BMPR1B: variants seen among roughly 807,000 people sequenced by gnomAD.
BMPR1B encodes the protein bone morphogenetic protein receptor type 1B, also known as bone morphogenetic protein receptor type-1B.
A neutral mutation model predicts 59.1 loss-of-function variants in BMPR1B; 12 were observed. The ratio of observed to expected loss-of-function variants is 0.20; its 90% CI spans 0.13 to 0.33. BMPR1B has a LOEUF of 0.33. BMPR1B is among the 10% of genes least tolerant of loss of function. BMPR1B has a pLI of 1.00. For missense variants in BMPR1B, 550 were observed against 610.9 expected, an observed-to-expected ratio of 0.90 and a Z score of 1.05; for synonymous variants, 237 against 207.3, an observed-to-expected ratio of 1.14 and a Z score of -1.23.
chr4:94,961,175 C>T (rs187451164), intron 2 of BMPR1B, among the ~76,000 whole-genome samples: 1 of 152,262 alleles, frequency 6.6e-6, no homozygotes, highest in African/African-American at 2.4e-5. Context: ...TCCACTGTCC[C>T]TCCCCAGCTG....
At chr4:95,044,285 ACTTT>A (rs1158326019) in intron 3 of BMPR1B, among the ~76,000 whole-genome samples, 3 of 152,194 alleles carry the variant, frequency 2.0e-5, no homozygotes, top group Non-Finnish European at 2.9e-5. Context: ...ATAGCTTTAA[ACTTT>A]ATTAAGTCTG....
chr4:95,114,210 A>C (rs1202344632), intron 4 of BMPR1B, among the ~76,000 whole-genome samples: 1 of 152,188 alleles, frequency 6.6e-6, no homozygotes, highest in South Asian at 2.1e-4. Flanking sequence ...TCACTATCTC[A>C]GAGCAAGAAC....
intron 1 of BMPR1B, among the ~76,000 whole-genome samples, chr4:94,851,710 T>C (rs1231314400): frequency 6.6e-6 from 1 of 152,124 alleles, no homozygotes; most frequent in Non-Finnish European, 1.5e-5. Flanking sequence ...TCACTTGAAA[T>C]TTTATATTTA....
chr4:95,079,302 T>C (rs1366918795), intron 3 of BMPR1B, among the ~76,000 whole-genome samples: 1 of 152,202 alleles, frequency 6.6e-6, no homozygotes, highest in Non-Finnish European at 1.5e-5. Context: ...AGGGAAGTTG[T>C]TCTACGTACC....
chr4:94,836,124 G>A (rs1724807677), intron 1 of BMPR1B, among the ~76,000 whole-genome samples: 1 of 148,466 alleles, frequency 6.7e-6, no homozygotes, highest in South Asian at 2.2e-4. Flanking sequence ...ATTCCATGGT[G>A]TATATGTGCC....
At chr4:94,840,985 A>C (rs7687517) in intron 1 of BMPR1B, among the ~76,000 whole-genome samples, 81,467 of 143,552 alleles carry the variant, frequency 0.57, 27,732 homozygotes, top group African/African-American at 0.8. Flanking sequence ...TCTAACAGAC[A>C]GGACCCTCAG....
chr4:95,031,686 AAAAC>A (rs935890203), intron 3 of BMPR1B, among the ~76,000 whole-genome samples: 1 of 152,158 alleles, frequency 6.6e-6, no homozygotes, highest in African/African-American at 2.4e-5. Context: ...TAGGAGTAGA[AAAAC>A]AACTCCTTGA....
chr4:94,901,911 C>T (rs1413739602), intron 2 of BMPR1B, among the ~76,000 whole-genome samples: 1 of 151,720 alleles, frequency 6.6e-6, no homozygotes, highest in Admixed American at 6.6e-5. Flanking sequence ...TGTGTGTGTA[C>T]AAAATGGAGT....
At chr4:94,853,846 T>C (rs1443946556) in intron 1 of BMPR1B, among the ~76,000 whole-genome samples, 2 of 152,316 alleles carry the variant, frequency 1.3e-5, no homozygotes, top group African/African-American at 2.4e-5. Flanking sequence ...TGAATAATTA[T>C]AGAATTGCTC....
At chr4:95,038,335 T>A (rs142756522) in intron 3 of BMPR1B, among the ~76,000 whole-genome samples, 38 of 152,342 alleles carry the variant, frequency 2.5e-4, no homozygotes, top group African/African-American at 9.1e-4. Context: ...AAGGACATCA[T>A]AAGCATCCGG....
At chr4:94,929,236 G>A (rs1480841439) in intron 2 of BMPR1B, among the ~76,000 whole-genome samples, 1 of 152,070 alleles carries the variant, frequency 6.6e-6, no homozygotes, top group Admixed American at 6.6e-5. Flanking sequence ...TGCCTTGGGG[G>A]ATAGTGGCAT....
intron 10 of BMPR1B, among the ~76,000 whole-genome samples, chr4:95,133,101 T>C (rs1309787756): frequency 6.6e-6 from 1 of 152,242 alleles, no homozygotes; most frequent in African/African-American, 2.4e-5. Flanking sequence ...TTTCGTTCCC[T>C]AACTTTTGGT....
At chr4:94,985,314 A>G (rs142223912) in intron 2 of BMPR1B, among the ~76,000 whole-genome samples, 1 of 152,160 alleles carries the variant, frequency 6.6e-6, no homozygotes, top group Non-Finnish European at 1.5e-5. Context: ...GATAAAAGCT[A>G]AGTCTGAATT....
intron 1 of BMPR1B, among the ~76,000 whole-genome samples, chr4:94,831,237 A>ACAACAACAACAACAACAACAAC (rs200801784): frequency 2.0e-5 from 3 of 146,950 alleles, no homozygotes; most frequent in Admixed American, 6.7e-5. Context: ...AAAAAGTAAA[A>ACAACAACAACAACAACAACAAC]AAAAAAAAAA....
intron 3 of BMPR1B, among the ~76,000 whole-genome samples, chr4:95,103,197 G>A (rs1005772857): frequency 2.0e-5 from 3 of 151,452 alleles, no homozygotes; most frequent in South Asian, 4.2e-4. Context: ...TGAATAATTC[G>A]TTATACATGC....
intron 3 of BMPR1B, among the ~76,000 whole-genome samples, chr4:95,001,352 GAA>G (rs56280376): frequency 0.96 from 145,476 of 152,182 alleles, 69,563 homozygotes; most frequent in Middle Eastern, 0.99. Flanking sequence ...ATTCCTGGAA[GAA>G]TTAAGATGGT....
chr4:95,039,425 T>TC (rs1725493478), intron 3 of BMPR1B, among the ~76,000 whole-genome samples: 2 of 151,014 alleles, frequency 1.3e-5, no homozygotes, highest in Non-Finnish European at 3.0e-5. Flanking sequence ...CTTCTTCTTT[T>TC]TTTTTTTTTT....
chr4:95,064,646 A>G (rs890069669), intron 3 of BMPR1B, among the ~76,000 whole-genome samples: 10 of 152,300 alleles, frequency 6.6e-5, no homozygotes, highest in African/African-American at 2.2e-4. Flanking sequence ...TATAACACCC[A>G]TGAATCTAGC....
At chr4:95,040,434 C>G (rs184522184) in intron 3 of BMPR1B, among the ~76,000 whole-genome samples, 3 of 152,256 alleles carry the variant, frequency 2.0e-5, no homozygotes, top group African/African-American at 7.2e-5. Flanking sequence ...GCACAATTGA[C>G]TTTAGGATGA....
Sources: allele counts gnomAD v4.1 joint callset (sites outside exome capture counted in the v4.1 genomes callset), GRCh38; gene constraint gnomAD v4.1.1; transcripts MANE v1.5; gene names NCBI Gene and HGNC (gene_info 2026-07-23, HGNC 2026-07-21).